Variants in KIAA0513 observed in about 807,000 individuals in gnomAD.
KIAA0513 encodes the protein uncharacterized protein KIAA0513.
KIAA0513 carries 39 observed loss-of-function variants against 56.5 expected under a neutral mutation model. That is an observed-to-expected ratio of 0.69 (90% CI 0.53 to 0.90). The LOEUF (loss-of-function observed/expected upper bound fraction) is 0.90, where lower values mean the gene tolerates loss of function less well. Among genes scored for constraint, KIAA0513 ranks in the 40% least tolerant of loss-of-function variants. The pLI is 0.00. For synonymous variants in KIAA0513, 268 were observed against 215.6 expected, an observed-to-expected ratio of 1.24 and a Z score of -2.13; for missense variants, 591 against 535.2, an observed-to-expected ratio of 1.10 and a Z score of -1.03.
At chr16:85,031,950 C>T (rs960683318) in intron 1 of KIAA0513, among the ~76,000 whole-genome samples, 1 of 152,178 alleles carries the variant, frequency 6.6e-6, no homozygotes, top group Admixed American at 6.5e-5. Context: ...AGAATTCAGG[C>T]ACTAGACAGA....
In KIAA0513 at chr16:85,088,312, T is replaced by C. The variant is rs2073832728; in HGVS notation, c.1223T>C (p.Met408Thr). ...YKLLSDHIEQ[M>T]ATE is the part of the protein sequence containing the mutation. ...CTGCTTAGTGACCACATTGAGCAAA[T>C]GGCCACTGAGTAGGCCCCAGAGGTC... Residue 408 changes from methionine to threonine, a missense_variant, in exon 13 of 13, where the codon ATG becomes ACG. Coordinates refer to ENST00000683363, the MANE Select transcript of KIAA0513 (RefSeq NM_001388359.1). 6 of 1,611,660 alleles carry C rather than the reference T, an allele frequency of 3.7e-6. No homozygotes were observed. Among genetic ancestry groups the C allele is most frequent in the Non-Finnish European group, 5.1e-6 (6 of 1,179,900 alleles).
chr16:85,093,790 T>A lies in KIAA0513; in HGVS notation c.*5465T>A, dbSNP rs901872940. On this transcript the variant is annotated 3_prime_UTR_variant, in exon 13 of 13. Transcript: ENST00000683363. ...CACGTGGAGAAAGAGAAGGCAAACG[T>A]TGGAACACTAGGAAAAGCTAGAAAT... is the stretch of plus-strand genomic sequence containing the variant. The A allele has an allele frequency of 6.6e-6, 1 of 152,222 alleles. No individual in the cohort carries two copies. Among genetic ancestry groups the A allele is most frequent in the African/African-American group, 2.4e-5 (1 of 41,420 alleles). 9.4% of individuals were successfully genotyped at this position (152,222 alleles called of 1,614,324 possible).
chr16:85,071,960 T>A, intron 3 of KIAA0513, 78 bp downstream of exon 3: 1 of 964,214 alleles, frequency 1.0e-6, no homozygotes, highest in Non-Finnish European at 1.6e-6. Flanking sequence ...TTTGACTTTA[T>A]CCTACAATGA....
At chr16:85,064,698 CTT>C (rs1025865776) in intron 1 of KIAA0513, among the ~76,000 whole-genome samples, 16 of 151,764 alleles carry the variant, frequency 1.1e-4, no homozygotes, top group African/African-American at 3.6e-4. Flanking sequence ...TTTCTTTTTT[CTT>C]TTTTTGAGAC....
rs2144087168 is a variant in KIAA0513, at chr16:85,081,455, C to CCGGTTT, written c.980+67_980+72dup. 1 of 1,412,416 alleles carries CCGGTTT rather than the reference C, an allele frequency of 7.1e-7. No individual in the cohort carries two copies. Among genetic ancestry groups the CCGGTTT allele is most frequent in the East Asian group, 2.5e-5 (1 of 40,200 alleles). 87.5% of individuals were successfully genotyped at this position (1,412,416 alleles called of 1,614,324 possible). A position where few individuals can be genotyped will look rare whatever the true frequency, so the allele number is the denominator to read the frequency against. ...AAGGACCAGGGAGTGGCTTTATTTC[C>CCGGTTT]CGGTTTCGGAAGAGGAGAGCAGAAG... On this transcript the variant is annotated intron_variant, in intron 9 of 12. Coordinates refer to ENST00000683363, the MANE Select transcript of KIAA0513 (RefSeq NM_001388359.1). The surrounding 1 kb of genome is among the most constrained non-coding windows in gnomAD (Gnocchi z 4.4).
chr16:85,084,495 T>C (rs955779773), intron 10 of KIAA0513, among the ~76,000 whole-genome samples: 10 of 149,986 alleles, frequency 6.7e-5, no homozygotes, highest in Non-Finnish European at 1.5e-4. Context: ...AATGGTGCGA[T>C]CTCGGCTCAC....
chr16:85,067,044 G>A lies in KIAA0513; in HGVS notation c.-28G>A. On this transcript the variant is annotated 5_prime_UTR_variant, in exon 2 of 13. Coordinates refer to ENST00000683363, the MANE Select transcript of KIAA0513 (RefSeq NM_001388359.1). ...CCCCTCTAGGCAGCCTCCCCTCCAG[G>A]CAGCCTCACCAGCAGCTCCCCTGAG... is the stretch of plus-strand genomic sequence containing the variant. 6.6e-7 allele frequency: 1 copy of A among 1,516,772 alleles called. No homozygotes were observed. The highest frequency in any genetic ancestry group is 2.1e-5 in the Admixed American group (1 of 48,568). 94.0% of individuals were successfully genotyped at this position (1,516,772 alleles called of 1,614,324 possible).
At chr16:85,050,343 A>AT (rs1567527327) in intron 1 of KIAA0513, among the ~76,000 whole-genome samples, 2 of 106,016 alleles carry the variant, frequency 1.9e-5, no homozygotes, top group East Asian at 2.1e-4. Context: ...TTATTTATTT[A>AT]TTTATTTATT....
chr16:85,047,348 C>T (rs192409967), intron 1 of KIAA0513, among the ~76,000 whole-genome samples: 142 of 152,272 alleles, frequency 9.3e-4, no homozygotes, highest in African/African-American at 3.2e-3. Flanking sequence ...CCCGAGAGCT[C>T]CTCCCTCTCT....
rs1305667646 is a variant in KIAA0513 at position 85,086,969 on chromosome 16, A to T, written c.1092-103A>T. The stretch of plus-strand genomic sequence containing the variant: ...CAGTGCGTTTTAGTTTCTGCTGACA[A>T]TTCCAGGCAGGCCATGGTGGGCGTC... On this transcript the variant is annotated intron_variant, in intron 11 of 12. Coordinates refer to ENST00000683363, the MANE Select transcript of KIAA0513 (RefSeq NM_001388359.1). 11 of 1,142,694 alleles carry T rather than the reference A, an allele frequency of 9.6e-6. No individual in the cohort carries two copies. In the Admixed American group the frequency reaches 2.2e-4, roughly 23 times the overall value. The allele number at this position is 1,142,694 out of a possible 1,614,324, so 70.8% of individuals were successfully genotyped here. A position where few individuals can be genotyped will look rare whatever the true frequency, so the allele number is the denominator to read the frequency against.
chr16:85,030,675 C>T (rs755508189), intron 1 of KIAA0513, among the ~76,000 whole-genome samples: 2 of 149,962 alleles, frequency 1.3e-5, no homozygotes, highest in Non-Finnish European at 1.5e-5. Flanking sequence ...ACCCAGGAGG[C>T]GGAGGTTGCA....
chr16:85,052,463 T>G (rs943540241), intron 1 of KIAA0513, among the ~76,000 whole-genome samples: 1 of 151,966 alleles, frequency 6.6e-6, no homozygotes, highest in Non-Finnish European at 1.5e-5. Context: ...CAGGTTCCAT[T>G]GCATCGTGCC....
chr16:85,034,599 C>T (rs141467787), intron 1 of KIAA0513, among the ~76,000 whole-genome samples: 49 of 152,172 alleles, frequency 3.2e-4, no homozygotes, highest in Admixed American at 1.8e-3. Context: ...GAGGACTCAC[C>T]GGAAGGAAGG....
Position 85,066,782 on chromosome 16 carries a change from G to C in KIAA0513, c.-172-118G>C, listed in dbSNP as rs546453311. 45 of 383,612 alleles carry C rather than the reference G, an allele frequency of 1.2e-4. No individual in the cohort carries two copies. The East Asian group carries it at 1.7e-3, about 14-fold the overall frequency. The allele number at this position is 383,612 out of a possible 1,614,324, so 23.8% of individuals were successfully genotyped here. On this transcript the variant is annotated intron_variant, in intron 1 of 12. Coordinates refer to ENST00000683363, the MANE Select transcript of KIAA0513 (RefSeq NM_001388359.1). ...TAAAGCGGACAGTAGGAAGATGATAGCAAAGAGGCACCCCAAATTCCGGAA... is the reference window on the plus strand; with the variant it reads ...TAAAGCGGACAGTAGGAAGATGATACCAAAGAGGCACCCCAAATTCCGGAA...
intron 2 of KIAA0513, among the ~76,000 whole-genome samples, chr16:85,068,332 T>A (rs947962917): frequency 4.1e-5 from 6 of 148,024 alleles, no homozygotes; most frequent in Admixed American, 1.3e-4. Context: ...AATTTTTGTA[T>A]TTTTTTTGTT....
intron 1 of KIAA0513, chr16:85,063,353 C>G (rs1395355531): frequency 6.6e-6 from 1 of 152,286 alleles, no homozygotes; most frequent in Admixed American, 6.5e-5. Flanking sequence ...GCAGCCTCCA[C>G]CTCCCCGGTT....
intron 12 of KIAA0513, among the ~76,000 whole-genome samples, chr16:85,087,523 G>A (rs1485670922): frequency 6.6e-6 from 1 of 152,196 alleles, no homozygotes; most frequent in Non-Finnish European, 1.5e-5. Flanking sequence ...CTGTCACGTG[G>A]CATCCTTTTC....
intron 4 of KIAA0513, among the ~76,000 whole-genome samples, chr16:85,075,556 G>A (rs1719140749): frequency 6.6e-6 from 1 of 152,304 alleles, no homozygotes; most frequent in South Asian, 2.1e-4. Context: ...TCTCATCCTG[G>A]CTCTGCTCCT....
chr16:85,034,155 G>T (rs2073003940), intron 1 of KIAA0513, among the ~76,000 whole-genome samples: 1 of 152,106 alleles, frequency 6.6e-6, no homozygotes, highest in African/African-American at 2.4e-5. Flanking sequence ...GAGGCAGGTG[G>T]ATCACTGGAG....
Sources: gnomAD v4.1 joint callset for allele counts (sites outside exome capture counted in the v4.1 genomes callset) on GRCh38, gnomAD v4.1.1 for gene constraint, Gnocchi (gnomAD v3.1) non-coding constraint, MANE v1.5 for transcripts, NCBI Gene and HGNC (gene_info 2026-07-23, HGNC 2026-07-21) for gene names.